The following DNAH12 variants were observed in gnomAD, a reference collection of about 807,000 sequenced individuals.
DNAH12 encodes dynein axonemal heavy chain 12.
Under a neutral mutation model 371.5 loss-of-function variants are expected in DNAH12, and 285 were observed. That is an observed-to-expected ratio of 0.77 (90% CI 0.70 to 0.85). DNAH12 has a LOEUF of 0.85. Ranked by LOEUF, DNAH12 falls within the 40% of genes least tolerant of loss-of-function variation. The pLI, the probability that DNAH12 is intolerant of heterozygous loss-of-function variation, is 0.00. For missense variants in DNAH12, 3,611 were observed against 3,689.4 expected, an observed-to-expected ratio of 0.98 and a Z score of 0.55; for synonymous variants, 1,200 against 1,213.0, an observed-to-expected ratio of 0.99 and a Z score of 0.22.
At position 57,446,071 on chromosome 3, in the gene DNAH12, G is replaced by A. The variant is rs1261036370; in HGVS notation, c.4139C>T (p.Pro1380Leu). ...PNCFVAITMN[P>L]GYAGRSELPD... ...CAATTCAGAGCGTCCTGCATAGCCA[G>A]GATTCATGGTAATAGCTACAAAACA... The change falls in exon 27 of 74, where the codon CCT becomes CTT. Residue 1380 changes from proline (P) to leucine (L), a missense_variant. Physicochemically the swap from Pro to Leu is moderately conservative, Grantham distance 98. This residue lies in a region of DNAH12 where 2,266 missense variants were observed against 2,236.9 expected (regional missense o/e 1.01). Transcript: ENST00000495027. The A allele has an allele frequency of 1.9e-6, 3 of 1,551,648 alleles. No individual in the cohort carries two copies. In the South Asian group the frequency reaches 3.6e-5, roughly 18 times the overall value.
At chr3:57,442,715 TGTGTTTTCATTTTG>T (rs1393943667) in intron 29 of DNAH12, among the ~76,000 whole-genome samples, 2 of 151,334 alleles carry the variant, frequency 1.3e-5, no homozygotes, top group African/African-American at 4.9e-5. Flanking sequence ...ATTAAAATTT[TGTGTTTTCATTTTG>T]GTGTTTAAAA....
intron 57 of DNAH12, among the ~76,000 whole-genome samples, chr3:57,365,906 A>G (rs2063042424): frequency 6.6e-6 from 1 of 151,842 alleles, no homozygotes; most frequent in Admixed American, 6.6e-5. Flanking sequence ...CGGTCATAGC[A>G]TAGATTCCTA....
chr3:57,444,060 G>T (rs900972621), intron 29 of DNAH12, among the ~76,000 whole-genome samples: 6 of 151,850 alleles, frequency 4.0e-5, no homozygotes, highest in Non-Finnish European at 5.9e-5. Flanking sequence ...AATTAGCTGG[G>T]CATGGTGGCG....
chr3:57,390,321 G>C, intron 45 of DNAH12, among the ~76,000 whole-genome samples: 1 of 135,808 alleles, frequency 7.4e-6, no homozygotes, highest in Non-Finnish European at 1.6e-5. Flanking sequence ...GCTGAGGTGG[G>C]AGGATTGCTT....
chr3:57,442,456 T>G lies in DNAH12; in HGVS notation c.4545+2241A>C, dbSNP rs569821466. 3.3e-5 allele frequency among the ~76,000 whole-genome samples: 5 copies of G among 152,308 alleles called. No individual in the cohort carries two copies. In the South Asian group the frequency reaches 1.0e-3, roughly 32 times the overall value. ...TATTTTTTGTCAACTGGTAAAATAC[T>G]AACTGTAAAGTTGTAATAAGCCAAG... On this transcript the variant is annotated intron_variant, in intron 29 of 73. Coordinates refer to ENST00000495027, the MANE Select transcript of DNAH12 (RefSeq NM_001366028.2).
intron 65 of DNAH12, among the ~76,000 whole-genome samples, chr3:57,320,832 G>A (rs931829311): frequency 6.6e-6 from 1 of 152,128 alleles, no homozygotes; most frequent in African/African-American, 2.4e-5. Flanking sequence ...ATGTCACAGG[G>A]CATTTACATT....
chr3:57,312,468 TC>T (rs1373201936), intron 66 of DNAH12, among the ~76,000 whole-genome samples: 1 of 152,180 alleles, frequency 6.6e-6, no homozygotes, highest in African/African-American at 2.4e-5. Context: ...CTTAGCCCCA[TC>T]AGTTTTCTGA....
Position 57,457,835 on chromosome 3 carries a change from C to T in DNAH12, c.3222G>A (p.Glu1074=). The change falls in exon 22 of 74, where the codon GAG becomes GAA. Residue 1074 remains glutamate (E), a synonymous_variant. Coordinates refer to ENST00000495027, the MANE Select transcript of DNAH12 (RefSeq NM_001366028.2). The part of the protein sequence containing the change: ...AMYSSEGERV[E]LIALISTSAA... ...CAGACGTGGAAATGAGTGCAATCAG[C>T]TCCACTCGCTCGCCCTCAGAGCTAT... 5 of 1,551,592 alleles carry T rather than the reference C, an allele frequency of 3.2e-6. No homozygotes were observed. Among genetic ancestry groups the T allele is most frequent in the South Asian group, 1.2e-5 (1 of 84,054 alleles).
intron 29 of DNAH12, among the ~76,000 whole-genome samples, chr3:57,440,465 G>C (rs188702773): frequency 1.2e-3 from 180 of 152,266 alleles, no homozygotes; most frequent in African/African-American, 4.0e-3. Flanking sequence ...GTAAGTGGTA[G>C]GCAAACACTG....
At position 57,377,055 on chromosome 3, in the gene DNAH12, G is replaced by A. The variant is rs2063295060; in HGVS notation, c.8391C>T (p.Asp2797=). Residue 2797 remains aspartate (D), a synonymous_variant, in exon 53 of 74, where the codon GAC becomes GAT. Transcript: ENST00000495027. ...GCTTCTTAGCACAGAGTTCCACCTGGTCTTCTAAAGCAGCCTTTTCCTCTG... is the reference window on the plus strand; with the variant it reads ...GCTTCTTAGCACAGAGTTCCACCTGATCTTCTAAAGCAGCCTTTTCCTCTG... ...EKTEEKAALE[D]QVELCAKKLE... 1 of 152,082 alleles carries A rather than the reference G, an allele frequency of 6.6e-6. No homozygotes were observed. Among genetic ancestry groups the A allele is most frequent in the African/African-American group, 2.4e-5 (1 of 41,404 alleles). 9.4% of individuals were successfully genotyped at this position (152,082 alleles called of 1,614,324 possible). A position where few individuals can be genotyped will look rare whatever the true frequency, so the allele number is the denominator to read the frequency against.
At chr3:57,390,815 C>T (rs1455834823) in intron 45 of DNAH12, among the ~76,000 whole-genome samples, 1 of 152,032 alleles carries the variant, frequency 6.6e-6, no homozygotes, top group Non-Finnish European at 1.5e-5. Flanking sequence ...AATTCACCTA[C>T]CACACAGCTT....
rs758980546 is a variant in DNAH12, at chr3:57,472,430, A to G, written c.1776+116T>C. The G allele has an allele frequency of 1.1e-5, 14 of 1,319,092 alleles. No individual in the cohort carries two copies. The Admixed American group carries it at 1.3e-4, about 12-fold the overall frequency. 81.7% of individuals were successfully genotyped at this position (1,319,092 alleles called of 1,614,324 possible). On this transcript the variant is annotated intron_variant, in intron 14 of 73. Transcript: ENST00000495027. Reference sequence around the variant, plus strand: ...CATAAGTGTGGCCAGTCTCAAACTCATATTGACACACAAAATTACTTTTAA... The same window carrying G: ...CATAAGTGTGGCCAGTCTCAAACTCGTATTGACACACAAAATTACTTTTAA...
chr3:57,410,017 T>TAG (rs1303418828), intron 39 of DNAH12, among the ~76,000 whole-genome samples: 1 of 152,142 alleles, frequency 6.6e-6, no homozygotes, highest in African/African-American at 2.4e-5. Context: ...TATGGTTACT[T>TAG]AGGTTGGGCA....
At chr3:57,416,977 G>A (rs1008522205) in intron 37 of DNAH12, among the ~76,000 whole-genome samples, 13 of 152,088 alleles carry the variant, frequency 8.5e-5, no homozygotes, top group African/African-American at 2.7e-4. Flanking sequence ...CAGGCCAGGC[G>A]CGGTGGCACA....
intron 5 of DNAH12, among the ~76,000 whole-genome samples, chr3:57,509,911 G>C (rs1011989007): frequency 7.7e-6 from 1 of 130,208 alleles, no homozygotes; most frequent in Non-Finnish European, 1.6e-5. Flanking sequence ...ATACAACATA[G>C]TGACTAGTTA....
chr3:57,541,490 C>T lies in DNAH12; in HGVS notation c.170+1211G>A, dbSNP rs533072152. On this transcript the variant is annotated intron_variant, in intron 2 of 73. Coordinates refer to ENST00000495027, the MANE Select transcript of DNAH12 (RefSeq NM_001366028.2). ...AACCAATACTCCTGCCTCTGCCTCC[C>T]AAGTAGTTAGGACCACAGGCATGCC... Among the ~76,000 whole-genome samples, 493 of 151,926 alleles carry T rather than the reference C, an allele frequency of 3.2e-3. 3 individuals carry two copies. The highest frequency in any genetic ancestry group is 0.011 in the African/African-American group (455 of 41,428).
At chr3:57,295,162 G>A (rs1196588887) in intron 73 of DNAH12, among the ~76,000 whole-genome samples, 2 of 152,184 alleles carry the variant, frequency 1.3e-5, no homozygotes, top group African/African-American at 4.8e-5. Context: ...CTAGTCACTA[G>A]CGGGAGACTG....
In DNAH12 at chr3:57,336,671, G is replaced by T. The variant is rs140983127; in HGVS notation, c.9675-1731C>A. ...GGTAACTTTGTAGGTAAACATAAAAGATTTTTTTAAAAAATCATTAATATT... is the reference window on the plus strand; with the variant it reads ...GGTAACTTTGTAGGTAAACATAAAATATTTTTTTAAAAAATCATTAATATT... On this transcript the variant is annotated intron_variant, in intron 60 of 73. Coordinates refer to ENST00000495027, the MANE Select transcript of DNAH12 (RefSeq NM_001366028.2). Among the ~76,000 whole-genome samples the T allele has an allele frequency of 2.9e-3, 434 of 152,144 alleles. 2 individuals are homozygous for T. The highest frequency in any genetic ancestry group is 9.9e-3 in the African/African-American group (410 of 41,510).
chr3:57,501,287 A>G, intron 11 of DNAH12, 34 bp downstream of exon 11: 1 of 1,537,110 alleles, frequency 6.5e-7, no homozygotes, highest in Non-Finnish European at 8.9e-7. Flanking sequence ...AAAAAAATTC[A>G]AAACGCATTA....
Sources: allele counts gnomAD v4.1 joint callset (sites outside exome capture counted in the v4.1 genomes callset), GRCh38; gene constraint gnomAD v4.1.1; regional missense constraint gnomAD v4.1.1; transcripts MANE v1.5; gene names NCBI Gene and HGNC (gene_info 2026-07-23, HGNC 2026-07-21).